EEF1AKMT1: variants seen among roughly 807,000 people sequenced by gnomAD.
EEF1AKMT1 encodes the protein EEF1A lysine methyltransferase 1.
EEF1AKMT1 carries 18 observed loss-of-function variants against 21.0 expected under a neutral mutation model. The ratio of observed to expected loss-of-function variants is 0.86; its 90% CI spans 0.59 to 1.27. EEF1AKMT1 has a LOEUF of 1.27. Among genes scored for constraint, EEF1AKMT1 ranks in the 50% most tolerant of loss-of-function variants. The probability of loss-of-function intolerance (pLI) is 0.00; values close to 1 mark genes in which losing one functional copy is unlikely to be tolerated. For synonymous variants in EEF1AKMT1, 109 were observed against 94.8 expected, an observed-to-expected ratio of 1.15 and a Z score of -0.87; for missense variants, 246 against 258.6, an observed-to-expected ratio of 0.95 and a Z score of 0.33.
At chr13:20,773,545 A>G (rs898716565) in intron 1 of EEF1AKMT1, among the ~76,000 whole-genome samples, 5 of 152,256 alleles carry the variant, frequency 3.3e-5, no homozygotes, top group Non-Finnish European at 7.3e-5. Flanking sequence ...GATGAAAAGG[A>G]CAGCAGGCCG....
chr13:20,773,651 G>A (rs923079893), intron 1 of EEF1AKMT1, among the ~76,000 whole-genome samples: 2 of 152,236 alleles, frequency 1.3e-5, no homozygotes, highest in Non-Finnish European at 2.9e-5. Flanking sequence ...CTAAGGCCCG[G>A]GCGCCAACGT....
At chr13:20,750,490 C>T (rs568980619) in intron 2 of EEF1AKMT1, among the ~76,000 whole-genome samples, 29 of 152,222 alleles carry the variant, frequency 1.9e-4, no homozygotes, top group African/African-American at 6.0e-4. Context: ...AATGACCTCC[C>T]GTTCCATCCA....
intron 2 of EEF1AKMT1, among the ~76,000 whole-genome samples, chr13:20,740,557 C>A (rs1185435610): frequency 6.6e-6 from 1 of 152,242 alleles, no homozygotes; most frequent in African/African-American, 2.4e-5. Flanking sequence ...GTAATCCCAG[C>A]ACTTTGGGAG....
At chr13:20,771,098 CTCGAT>C (rs1403800558) in intron 1 of EEF1AKMT1, among the ~76,000 whole-genome samples, 1 of 152,052 alleles carries the variant, frequency 6.6e-6, no homozygotes, top group African/African-American at 2.4e-5. Flanking sequence ...TCCTGAACTC[CTCGAT>C]TCAAGTGATC....
chr13:20,740,729 G>C (rs1220617867), intron 2 of EEF1AKMT1, among the ~76,000 whole-genome samples: 1 of 152,174 alleles, frequency 6.6e-6, no homozygotes, highest in Non-Finnish European at 1.5e-5. Flanking sequence ...CTTGAACCTG[G>C]GAGGCGGAGG....
intron 4 of EEF1AKMT1, among the ~76,000 whole-genome samples, chr13:20,730,738 G>GT (rs1354901487): frequency 1.3e-5 from 2 of 152,052 alleles, no homozygotes; most frequent in African/African-American, 4.8e-5. Context: ...AGCACTCTCT[G>GT]AAAAATGGAC....
At chr13:20,737,952 T>C (rs2141414969) in intron 2 of EEF1AKMT1, 147 bp from the exon 3 acceptor site, 1 of 467,594 alleles carries the variant, frequency 2.1e-6, no homozygotes, top group East Asian at 3.6e-5. Flanking sequence ...TTTTAAAAAG[T>C]TTTTCTTTTG....
At chr13:20,754,171 G>T (rs553796161) in intron 2 of EEF1AKMT1, among the ~76,000 whole-genome samples, 13 of 152,214 alleles carry the variant, frequency 8.5e-5, no homozygotes, top group African/African-American at 3.1e-4. Flanking sequence ...TAGAGGTGAT[G>T]AATTTCCTCA....
chr13:20,745,087 C>T (rs1460479297), intron 2 of EEF1AKMT1, among the ~76,000 whole-genome samples: 1 of 152,098 alleles, frequency 6.6e-6, no homozygotes, highest in Non-Finnish European at 1.5e-5. Flanking sequence ...GGTTACTAGC[C>T]TTGTAGTATA....
chr13:20,759,937 T>C (rs1252531827), intron 1 of EEF1AKMT1, among the ~76,000 whole-genome samples: 1 of 151,812 alleles, frequency 6.6e-6, no homozygotes, highest in Non-Finnish European at 1.5e-5. Flanking sequence ...ACCCTGTCTC[T>C]ACTAAACATA....
chr13:20,752,916 A>AT (rs971855615), intron 2 of EEF1AKMT1, among the ~76,000 whole-genome samples: 4 of 151,178 alleles, frequency 2.6e-5, no homozygotes, highest in Admixed American at 2.6e-4. Context: ...TCCATTGAAT[A>AT]TTTTTTATTC....
chr13:20,767,231 G>C (rs560722574), intron 1 of EEF1AKMT1, among the ~76,000 whole-genome samples: 1 of 149,330 alleles, frequency 6.7e-6, no homozygotes, highest in Admixed American at 6.7e-5. Context: ...GCATGAACCC[G>C]GGAGGCGGAG....
intron 2 of EEF1AKMT1, among the ~76,000 whole-genome samples, chr13:20,754,749 A>T (rs865930876): frequency 0.093 from 13,680 of 147,690 alleles, 731 homozygotes; most frequent in Non-Finnish European, 0.13. Context: ...TACAAAAAAA[A>T]AAAAAAAAAA....
At chr13:20,731,765 A>T in intron 4 of EEF1AKMT1, 76 bp downstream of exon 4, 1 of 1,465,904 alleles carries the variant, frequency 6.8e-7, no homozygotes, top group Non-Finnish European at 9.2e-7. Flanking sequence ...TGGTGGACTC[A>T]GGATTTTTTC....
At chr13:20,742,903 T>G (rs2058880124) in intron 2 of EEF1AKMT1, among the ~76,000 whole-genome samples, 1 of 152,198 alleles carries the variant, frequency 6.6e-6, no homozygotes, top group African/African-American at 2.4e-5. Flanking sequence ...ACAAATATTT[T>G]CTCCTCGTCT....
intron 2 of EEF1AKMT1, among the ~76,000 whole-genome samples, chr13:20,751,553 T>G (rs2058940386): frequency 6.6e-6 from 1 of 152,216 alleles, no homozygotes; most frequent in African/African-American, 2.4e-5. Context: ...CTGTTTTGGT[T>G]ACTACAGCCT....
chr13:20,734,609 T>TTTATTTA (rs1262781296), intron 3 of EEF1AKMT1, among the ~76,000 whole-genome samples: 2 of 144,606 alleles, frequency 1.4e-5, no homozygotes, highest in Non-Finnish European at 3.0e-5. Context: ...TATTTATTTA[T>TTTATTTA]TTGAGACGGA....
intron 1 of EEF1AKMT1, among the ~76,000 whole-genome samples, chr13:20,765,435 TAG>T (rs1859689982): frequency 1.8e-5 from 2 of 109,688 alleles, no homozygotes. Context: ...TTTTTTGAGA[TAG>T]AGTTTCACTC....
At chr13:20,762,923 G>A (rs1056513542) in intron 1 of EEF1AKMT1, among the ~76,000 whole-genome samples, 2 of 152,106 alleles carry the variant, frequency 1.3e-5, no homozygotes, top group African/African-American at 4.8e-5. Context: ...CAACTTATAC[G>A]ATCATGTGAT....
Sources: allele counts gnomAD v4.1 joint callset (sites outside exome capture counted in the v4.1 genomes callset), GRCh38; gene constraint gnomAD v4.1.1; transcripts MANE v1.5; gene names NCBI Gene and HGNC (gene_info 2026-07-23, HGNC 2026-07-21).